Variants in CHD7 observed in about 807,000 individuals in gnomAD.
CHD7 encodes chromodomain helicase DNA binding protein 7, also known as ATP-dependent chromatin remodeler CHD7.
A neutral mutation model predicts 307.3 loss-of-function variants in CHD7; 24 were observed. The ratio of observed to expected loss-of-function variants is 0.08; its 90% CI spans 0.06 to 0.11. The LOEUF is 0.11. Among genes scored for constraint, CHD7 ranks in the 10% least tolerant of loss-of-function variants. CHD7 has a pLI of 1.00. For missense variants in CHD7, 3,106 were observed against 3,727.1 expected (o/e 0.83, Z 4.34); for synonymous variants, 1,363 against 1,349.9 (o/e 1.01, Z -0.21).
chr8:60,701,815 T>G (rs985494379), intron 1 of CHD7, among the ~76,000 whole-genome samples: 3 of 152,204 alleles, frequency 2.0e-5, no homozygotes, highest in Non-Finnish European at 2.9e-5. Flanking sequence ...GCACTTTTTT[T>G]GGGGAGAGGC....
chr8:60,764,202 G>A (rs915761898), intron 2 of CHD7, among the ~76,000 whole-genome samples: 28 of 151,990 alleles, frequency 1.8e-4, no homozygotes, highest in African/African-American at 6.8e-4. Context: ...TGTTAGCCAG[G>A]GTGGTCTCAA....
chr8:60,692,129 T>A (rs990612444), intron 1 of CHD7, among the ~76,000 whole-genome samples: 1 of 152,248 alleles, frequency 6.6e-6, no homozygotes, highest in Non-Finnish European at 1.5e-5. Flanking sequence ...AATATGCTTG[T>A]CCATCATTCA....
chr8:60,784,036 C>G (rs951338911), intron 3 of CHD7, among the ~76,000 whole-genome samples: 1 of 152,116 alleles, frequency 6.6e-6, no homozygotes, highest in Non-Finnish European at 1.5e-5. Context: ...ATTGTGGTCT[C>G]GTTGTTCTAC....
chr8:60,800,594 C>A, intron 5 of CHD7, 69 bp downstream of exon 5: 1 of 1,448,576 alleles, frequency 6.9e-7, no homozygotes, highest in Non-Finnish European at 9.4e-7. Context: ...TTGCTGCAAT[C>A]TGAGAAGTGC....
chr8:60,765,836 T>G (rs1024546034), intron 2 of CHD7, among the ~76,000 whole-genome samples: 4 of 152,134 alleles, frequency 2.6e-5, no homozygotes, highest in African/African-American at 9.7e-5. Context: ...ACCAGAAGAT[T>G]TGCTGACGAA....
chr8:60,714,180 CG>C (rs1489426437), intron 1 of CHD7, among the ~76,000 whole-genome samples: 3 of 151,856 alleles, frequency 2.0e-5, no homozygotes, highest in East Asian at 1.9e-4. Flanking sequence ...GCGGGCCCCC[CG>C]GGGGGCGGGG....
intron 1 of CHD7, among the ~76,000 whole-genome samples, chr8:60,683,923 ACTATGAT>A (rs1409086928): frequency 6.6e-6 from 1 of 151,302 alleles, no homozygotes; most frequent in East Asian, 1.9e-4. Flanking sequence ...TTTTTTTTTA[ACTATGAT>A]TATCCATTTA....
chr8:60,810,784 C>T (rs573628833), intron 7 of CHD7, among the ~76,000 whole-genome samples: 4 of 152,140 alleles, frequency 2.6e-5, no homozygotes, highest in African/African-American at 9.7e-5. Flanking sequence ...TTTCCTACCC[C>T]ACCAGTGTGG....
intron 6 of CHD7, among the ~76,000 whole-genome samples, chr8:60,802,224 C>T (rs1487899906): frequency 1.3e-5 from 2 of 152,210 alleles, no homozygotes; most frequent in African/African-American, 4.8e-5. Flanking sequence ...CTCATATGCT[C>T]TTTAACAAAA....
intron 1 of CHD7, among the ~76,000 whole-genome samples, chr8:60,681,105 C>G (rs1005691037): frequency 2.0e-5 from 3 of 152,070 alleles, no homozygotes; most frequent in African/African-American, 7.2e-5. Flanking sequence ...AAACAAAATA[C>G]GTGTCTTTAT....
At chr8:60,833,433 G>C (rs769329475) in intron 15 of CHD7, among the ~76,000 whole-genome samples, 1 of 152,216 alleles carries the variant, frequency 6.6e-6, no homozygotes, top group African/African-American at 2.4e-5. Context: ...GGCAGGAGGC[G>C]TGTAGAGGAA....
chr8:60,700,929 G>C (rs1208606108), intron 1 of CHD7, among the ~76,000 whole-genome samples: 1 of 152,202 alleles, frequency 6.6e-6, no homozygotes, highest in African/African-American at 2.4e-5. Context: ...CTCACAAGTG[G>C]CACGCTGCTC....
chr8:60,682,485 A>G (rs1805680264), intron 1 of CHD7, among the ~76,000 whole-genome samples: 1 of 152,234 alleles, frequency 6.6e-6, no homozygotes, highest in Non-Finnish European at 1.5e-5. Context: ...CATAAAAGCC[A>G]TGTAAGTGCC....
At chr8:60,853,593 C>T (rs1346507679) in intron 31 of CHD7, 93 bp downstream of exon 31, 14 of 977,740 alleles carry the variant, frequency 1.4e-5, no homozygotes, top group Middle Eastern at 3.4e-4. Flanking sequence ...CTCTTTTTCA[C>T]GAGTACTTAG....
chr8:60,816,249 T>C (rs1251518360), intron 7 of CHD7, 138 bp from the exon 8 acceptor site: 5 of 590,926 alleles, frequency 8.5e-6, no homozygotes, highest in Admixed American at 6.6e-5. Context: ...GGTGGGTATA[T>C]TAAATGTTGC....
At position 60,867,289 on chromosome 8, in the gene CHD7, G is replaced by A. The variant is rs1806270848; in HGVS notation, c.*1356G>A. 6.6e-6 allele frequency: 1 copy of A among 152,210 alleles called. No homozygotes were observed. Among genetic ancestry groups the A allele is most frequent in the Non-Finnish European group, 1.5e-5 (1 of 68,044 alleles). The allele number at this position is 152,210 out of a possible 1,614,324, so 9.4% of individuals were successfully genotyped here. A position where few individuals can be genotyped will look rare whatever the true frequency, so the allele number is the denominator to read the frequency against. Reference sequence around the variant, plus strand: ...TCTAGGTCATTTATCCTTGGTTAATGGGTAGAAAAACACAATGCGGTAGTG... The same window carrying A: ...TCTAGGTCATTTATCCTTGGTTAATAGGTAGAAAAACACAATGCGGTAGTG... On this transcript the variant is annotated 3_prime_UTR_variant, in exon 38 of 38. Coordinates refer to ENST00000423902, the MANE Select transcript of CHD7 (RefSeq NM_017780.4).
intron 37 of CHD7, chr8:60,864,695 T>G (rs917159889): frequency 3.4e-6 from 1 of 296,896 alleles, no homozygotes; most frequent in African/African-American, 2.1e-5. Context: ...AAACTAGATC[T>G]TACTCATCCT....
chr8:60,852,407 T>C (rs758497093), intron 29 of CHD7, 91 bp from the exon 30 acceptor site: 47 of 1,348,774 alleles, frequency 3.5e-5, no homozygotes, highest in Non-Finnish European at 4.6e-5. Context: ...ATAACTACCA[T>C]GTATAAAGTC....
intron 2 of CHD7, among the ~76,000 whole-genome samples, chr8:60,745,359 C>T (rs1387803374): frequency 1.3e-5 from 2 of 152,166 alleles, no homozygotes; most frequent in Non-Finnish European, 1.5e-5. Context: ...AATTGTTGCT[C>T]TCCTCCAGCT....
Sources: allele counts gnomAD v4.1 joint callset (sites outside exome capture counted in the v4.1 genomes callset), GRCh38; gene constraint gnomAD v4.1.1; transcripts MANE v1.5; gene names NCBI Gene and HGNC (gene_info 2026-07-23, HGNC 2026-07-21).